RCL1: variants seen among roughly 807,000 people sequenced by gnomAD.
RCL1 encodes the protein RNA 3'-terminal phosphate cyclase-like protein.
In RCL1, 24 loss-of-function variants were observed where a neutral mutation model predicts 42.4. The observed-to-expected ratio is 0.57, with a 90% CI of 0.41 to 0.80. RCL1 has a LOEUF of 0.80. Ranked by LOEUF, RCL1 falls within the 30% of genes least tolerant of loss-of-function variation. RCL1 has a pLI of 0.00. For synonymous variants in RCL1, 228 were observed against 177.3 expected (o/e 1.29, Z -2.27); for missense variants, 578 against 467.9 (o/e 1.24, Z -2.17).
In RCL1 at chr9:4,813,784, A is replaced by G. The variant is rs896688538; in HGVS notation, c.137-9764A>G. Among the ~76,000 whole-genome samples, 7 of 152,248 alleles carry G rather than the reference A, an allele frequency of 4.6e-5. No individual in the cohort carries two copies. The East Asian group carries it at 1.3e-3, about 29-fold the overall frequency. ...TTCACAATAGGAAAGACTTGGAACC[A>G]ACCCAAATGTCCATCAGTGATAGAC... On this transcript the variant is annotated intron_variant, in intron 1 of 8. Coordinates refer to ENST00000381750, the MANE Select transcript of RCL1 (RefSeq NM_005772.5).
intron 1 of RCL1, among the ~76,000 whole-genome samples, chr9:4,820,827 G>A (rs1455437044): frequency 2.6e-5 from 4 of 152,254 alleles, no homozygotes; most frequent in Admixed American, 6.5e-5. Context: ...ATTCAATTCC[G>A]TCGTTCAGAT....
intron 1 of RCL1, among the ~76,000 whole-genome samples, chr9:4,817,296 A>G (rs1449440483): frequency 6.6e-6 from 1 of 151,848 alleles, no homozygotes; most frequent in Non-Finnish European, 1.5e-5. Context: ...CTTAATTCCA[A>G]ATATATTGGT....
At chr9:4,795,750 G>C (rs1021790708) in intron 1 of RCL1, among the ~76,000 whole-genome samples, 1 of 152,242 alleles carries the variant, frequency 6.6e-6, no homozygotes, top group Non-Finnish European at 1.5e-5. Flanking sequence ...TTGGAGGGTA[G>C]GGATAGTATG....
chr9:4,846,789 G>A (rs2129691761), intron 7 of RCL1, among the ~76,000 whole-genome samples: 2 of 152,118 alleles, frequency 1.3e-5, no homozygotes, highest in South Asian at 4.2e-4. Flanking sequence ...TAGAGTGTGG[G>A]GTTTATATCC....
chr9:4,797,204 T>C lies in RCL1; in HGVS notation c.136+3977T>C, dbSNP rs142885845. ...CAGTACTACTGACTTCACAGGGTTA[T>C]TGTGAGGACTAAATGAAATAATACT... On this transcript the variant is annotated intron_variant, in intron 1 of 8. Coordinates refer to ENST00000381750, the MANE Select transcript of RCL1 (RefSeq NM_005772.5). 9.8e-4 allele frequency among the ~76,000 whole-genome samples: 149 copies of C among 152,332 alleles called. 2 individuals are homozygous for C. The highest frequency in any genetic ancestry group is 3.4e-3 in the African/African-American group (140 of 41,578).
chr9:4,851,682 G>A (rs1019666350), intron 8 of RCL1, among the ~76,000 whole-genome samples: 12 of 150,908 alleles, frequency 8.0e-5, no homozygotes, highest in Non-Finnish European at 1.6e-4. Flanking sequence ...ATAGAAACCT[G>A]TTTTGTGAAA....
At chr9:4,826,199 T>A (rs1816757724) in intron 2 of RCL1, among the ~76,000 whole-genome samples, 1 of 152,068 alleles carries the variant, frequency 6.6e-6, no homozygotes, top group Non-Finnish European at 1.5e-5. Context: ...CAAGCTGTGA[T>A]CATGCCGCTG....
chr9:4,793,142 C>T lies in RCL1; in HGVS notation c.51C>T (p.Arg17=), dbSNP rs752578020. Residue 17 remains arginine, a synonymous_variant, in exon 1 of 9, where the codon CGC becomes CGT. Coordinates refer to ENST00000381750, the MANE Select transcript of RCL1 (RefSeq NM_005772.5). ...GCTACGCAGGGTGCAACTTCTTGCG[C>T]CAACGTCTGGTCCTGTCTACCCTGA... The part of the protein sequence containing the change: ...SLSYAGCNFL[R]QRLVLSTLSG... The T allele has an allele frequency of 1.2e-6, 2 of 1,612,346 alleles. No homozygotes were observed. The highest frequency in any genetic ancestry group is 1.7e-6 in the Non-Finnish European group (2 of 1,179,358).
intron 1 of RCL1, 31 bp downstream of exon 1, chr9:4,793,258 G>A: frequency 6.4e-7 from 1 of 1,561,022 alleles, no homozygotes; most frequent in Non-Finnish European, 8.7e-7. Context: ...CGCGGCGTGG[G>A]CGCGGGGGCT....
chr9:4,813,127 T>G (rs895541157), intron 1 of RCL1, among the ~76,000 whole-genome samples: 7 of 152,166 alleles, frequency 4.6e-5, no homozygotes, highest in African/African-American at 1.4e-4. Context: ...GGAGTGGTGA[T>G]AGTAGGCATC....
At chr9:4,813,776 T>G (rs1816266841) in intron 1 of RCL1, among the ~76,000 whole-genome samples, 1 of 152,154 alleles carries the variant, frequency 6.6e-6, no homozygotes. Context: ...TAGGAAAGAC[T>G]TGGAACCAAC....
chr9:4,828,378 G>T (rs1436933737), intron 3 of RCL1, among the ~76,000 whole-genome samples: 5 of 151,916 alleles, frequency 3.3e-5, no homozygotes, highest in Admixed American at 2.6e-4. Context: ...TACCTACTAG[G>T]GTATAAACAT....
At position 4,823,518 on chromosome 9, in the gene RCL1, CTTTTCTTCACAGATTTT is replaced by C. The variant is rs748468627; in HGVS notation, c.137-12_141del. The C allele has an allele frequency of 1.3e-4, 200 of 1,576,270 alleles. 1 individual carries two copies. The highest frequency in any genetic ancestry group is 6.5e-4 in the Admixed American group (38 of 58,484). On this transcript the variant is annotated splice_polypyrimidine_tract_variant and intron_variant, in intron 1 of 8. Coordinates refer to ENST00000381750, the MANE Select transcript of RCL1 (RefSeq NM_005772.5). ...CTGACATGAGGACAGTCTGTCTTCTCTTTTCTTCACAGATTTTTTTTCTTCACAGATTTTGAAGCCAG... is the reference window on the plus strand; with the variant it reads ...CTGACATGAGGACAGTCTGTCTTCTCTTTTCTTCACAGATTTTGAAGCCAG...
chr9:4,817,577 G>C (rs143364571), intron 1 of RCL1, among the ~76,000 whole-genome samples: 29 of 151,812 alleles, frequency 1.9e-4, no homozygotes, highest in East Asian at 1.6e-3. Flanking sequence ...GGGCTCAAGG[G>C]ATCCTCCTGC....
chr9:4,800,617 T>A (rs1294350598), intron 1 of RCL1, among the ~76,000 whole-genome samples: 1 of 151,956 alleles, frequency 6.6e-6, no homozygotes, highest in Non-Finnish European at 1.5e-5. Flanking sequence ...TTTAGTTTTT[T>A]AAGATATTGC....
intron 1 of RCL1, among the ~76,000 whole-genome samples, chr9:4,794,308 A>G (rs1842879526): frequency 6.6e-6 from 1 of 152,214 alleles, no homozygotes; most frequent in African/African-American, 2.4e-5. Flanking sequence ...TGACGGAGAT[A>G]GGTTAGGAAG....
At chr9:4,819,538 T>C (rs1028367311) in intron 1 of RCL1, among the ~76,000 whole-genome samples, 4 of 152,078 alleles carry the variant, frequency 2.6e-5, no homozygotes, top group Admixed American at 2.0e-4. Context: ...AAAAACAGAA[T>C]TTGCTCACGC....
In RCL1 at chr9:4,860,901, A is replaced by G. The variant is rs565135176; in HGVS notation, c.*626A>G. On this transcript the variant is annotated 3_prime_UTR_variant, in exon 9 of 9. Transcript: ENST00000381750. ...AGGGATGGATGGCTGCGGGGCTCCA[A>G]GTAAGTTATTGGGATGTTTTTATAT... 1 of 120,224 alleles carries G rather than the reference A, an allele frequency of 8.3e-6. No homozygotes were observed. The highest frequency in any genetic ancestry group is 1.8e-5 in the Non-Finnish European group (1 of 57,014). The allele number at this position is 120,224 out of a possible 1,614,324, so 7.4% of individuals were successfully genotyped here.
At chr9:4,852,526 G>T (rs1817786996) in intron 8 of RCL1, among the ~76,000 whole-genome samples, 1 of 152,170 alleles carries the variant, frequency 6.6e-6, no homozygotes, top group African/African-American at 2.4e-5. Context: ...TGGACTTAAG[G>T]CTCTACCACG....
Sources: allele counts gnomAD v4.1 joint callset (sites outside exome capture counted in the v4.1 genomes callset), GRCh38; gene constraint gnomAD v4.1.1; transcripts MANE v1.5; gene names NCBI Gene and HGNC (gene_info 2026-07-23, HGNC 2026-07-21).